The following SOAT1 variants were observed in gnomAD, a reference collection of about 807,000 sequenced individuals.
The protein encoded by SOAT1 is sterol O-acyltransferase 1.
In SOAT1, 55 loss-of-function variants were observed where a neutral mutation model predicts 69.5. The ratio of observed to expected loss-of-function variants is 0.79; its 90% CI spans 0.64 to 0.99. The LOEUF is 0.99. Among genes scored for constraint, SOAT1 ranks in the 50% least tolerant of loss-of-function variants. The probability of loss-of-function intolerance (pLI) is 0.00; values close to 1 mark genes in which losing one functional copy is unlikely to be tolerated. For missense variants in SOAT1, 580 were observed against 669.3 expected (o/e 0.87, Z 1.47); for synonymous variants, 231 against 224.7 (o/e 1.03, Z -0.25).
At chr1:179,343,721 T>A in intron 10 of SOAT1, 86 bp downstream of exon 10, 1 of 960,198 alleles carries the variant, frequency 1.0e-6, no homozygotes, top group Non-Finnish European at 1.6e-6. Flanking sequence ...TTAAATCTAA[T>A]TGGGAGCTAA....
At chr1:179,324,520 G>A (rs916699561) in intron 3 of SOAT1, among the ~76,000 whole-genome samples, 7 of 152,156 alleles carry the variant, frequency 4.6e-5, no homozygotes, top group Middle Eastern at 3.2e-3. Flanking sequence ...TTATAAAGTG[G>A]TACTCAAAAG....
intron 6 of SOAT1, among the ~76,000 whole-genome samples, chr1:179,340,808 AC>A (rs1217516714): frequency 5.1e-5 from 5 of 98,404 alleles, no homozygotes; most frequent in African/African-American, 1.6e-4. Context: ...TTTCTAAAGA[AC>A]ATATATTGTT....
At chr1:179,313,241 A>G (rs1356211617) in intron 2 of SOAT1, among the ~76,000 whole-genome samples, 1 of 152,330 alleles carries the variant, frequency 6.6e-6, no homozygotes, top group Non-Finnish European at 1.5e-5. Context: ...GTTGTTACAT[A>G]GTTGCAGACT....
chr1:179,335,909 A>G (rs1666133968), intron 4 of SOAT1, among the ~76,000 whole-genome samples: 1 of 152,210 alleles, frequency 6.6e-6, no homozygotes, highest in Non-Finnish European at 1.5e-5. Flanking sequence ...CTGTAATCCC[A>G]GCACTTTGGA....
chr1:179,342,085 G>C, intron 7 of SOAT1, 29 bp from the exon 8 acceptor site: 1 of 1,612,736 alleles, frequency 6.2e-7, no homozygotes, highest in South Asian at 1.1e-5. Flanking sequence ...TTTCTTTGAA[G>C]AGACATCTTT....
At chr1:179,317,209 A>G (rs1013636289) in intron 2 of SOAT1, among the ~76,000 whole-genome samples, 1 of 152,176 alleles carries the variant, frequency 6.6e-6, no homozygotes, top group East Asian at 1.9e-4. Context: ...TAGGCAAAAT[A>G]TACAATAGCA....
chr1:179,331,390 C>G (rs1403206554), intron 3 of SOAT1, among the ~76,000 whole-genome samples: 2 of 152,210 alleles, frequency 1.3e-5, no homozygotes, highest in East Asian at 3.9e-4. Flanking sequence ...TAACTGAGAA[C>G]ACTATATGCA....
intron 2 of SOAT1, among the ~76,000 whole-genome samples, chr1:179,310,367 A>T (rs950310564): frequency 6.7e-6 from 1 of 149,126 alleles, no homozygotes; most frequent in Admixed American, 6.8e-5. Context: ...CTAATTTTTT[A>T]GTTTTCCAAA....
At chr1:179,326,019 G>A (rs1665778104) in intron 3 of SOAT1, among the ~76,000 whole-genome samples, 1 of 152,146 alleles carries the variant, frequency 6.6e-6, no homozygotes, top group South Asian at 2.1e-4. Context: ...GGGTTGCAGA[G>A]TTGTGCAAGA....
chr1:179,351,017 C>CTTTTTT (rs1558060562), intron 14 of SOAT1, among the ~76,000 whole-genome samples: 11 of 13,950 alleles, frequency 7.9e-4, no homozygotes, highest in African/African-American at 2.5e-3. Context: ...CTGTATATTT[C>CTTTTTT]TTTCTTTTTT....
chr1:179,303,868 A>G (rs1466203778), intron 2 of SOAT1, among the ~76,000 whole-genome samples: 1 of 152,216 alleles, frequency 6.6e-6, no homozygotes, highest in Non-Finnish European at 1.5e-5. Flanking sequence ...CTCACGCATT[A>G]GAAACTTCAT....
chr1:179,347,625 T>C lies in SOAT1; in HGVS notation c.1143T>C (p.Phe381=). Residue 381 remains phenylalanine, a synonymous_variant, in exon 12 of 16, where the codon TTT becomes TTC. Transcript: ENST00000367619. ...LPGVLILFLT[F]FAFLHCWLNA... Reference sequence around the variant, plus strand: ...GTGTGCTGATTCTCTTCCTTACTTTTTTTGCCTTTTTGCACTGCTGGCTCA... The same window carrying C: ...GTGTGCTGATTCTCTTCCTTACTTTCTTTGCCTTTTTGCACTGCTGGCTCA... 6.2e-7 allele frequency: 1 copy of C among 1,612,656 alleles called. No individual in the cohort carries two copies. The highest frequency in any genetic ancestry group is 8.5e-7 in the Non-Finnish European group (1 of 1,178,936).
At position 179,348,221 on chromosome 1, in the gene SOAT1, C is replaced by T. The variant is rs539363345; in HGVS notation, c.1215+524C>T. On this transcript the variant is annotated intron_variant, in intron 12 of 15. Coordinates refer to ENST00000367619, the MANE Select transcript of SOAT1 (RefSeq NM_003101.6). Reference sequence around the variant, plus strand: ...AGAATGGCTCATAGCATTCTTTAACCCTACCTAAAGCTCTCTTTGAGTTGT... The same window carrying T: ...AGAATGGCTCATAGCATTCTTTAACTCTACCTAAAGCTCTCTTTGAGTTGT... Among the ~76,000 whole-genome samples the T allele has an allele frequency of 7.6e-4, 115 of 152,272 alleles. 1 individual carries two copies. The highest frequency in any genetic ancestry group is 1.4e-3 in the Non-Finnish European group (93 of 68,020).
intron 2 of SOAT1, among the ~76,000 whole-genome samples, chr1:179,308,549 G>A (rs963516429): frequency 1.3e-5 from 2 of 151,650 alleles, no homozygotes; most frequent in East Asian, 1.9e-4. Context: ...GTGGGTGCCT[G>A]TAATCTAAGC....
At chr1:179,340,324 A>T (rs535859536) in intron 6 of SOAT1, among the ~76,000 whole-genome samples, 1 of 152,250 alleles carries the variant, frequency 6.6e-6, no homozygotes, top group Admixed American at 6.5e-5. Context: ...TCTACAAAAA[A>T]TTTAAAAATT....
intron 3 of SOAT1, among the ~76,000 whole-genome samples, chr1:179,330,749 T>C (rs1303725636): frequency 6.6e-6 from 1 of 152,214 alleles, no homozygotes; most frequent in Non-Finnish European, 1.5e-5. Context: ...ATTCATAGGC[T>C]GTGGTCCTCC....
Position 179,314,800 on chromosome 1 carries a change from A to G in SOAT1, c.119-8637A>G, listed in dbSNP as rs150033796. 1.9e-3 allele frequency among the ~76,000 whole-genome samples: 283 copies of G among 152,268 alleles called. 4 individuals carry two copies. Among genetic ancestry groups the G allele is most frequent in the African/African-American group, 6.3e-3 (262 of 41,544 alleles). On this transcript the variant is annotated intron_variant, in intron 2 of 15. Coordinates refer to ENST00000367619, the MANE Select transcript of SOAT1 (RefSeq NM_003101.6). ...AATTTTCATCAAAACTGGTTAAAAT[A>G]AGATTTTTGACATGTCAAGGAATAA...
At chr1:179,327,212 A>G (rs1665824462) in intron 3 of SOAT1, among the ~76,000 whole-genome samples, 1 of 152,244 alleles carries the variant, frequency 6.6e-6, no homozygotes, top group Non-Finnish European at 1.5e-5. Context: ...AACATTGTTC[A>G]GAGCCATGAA....
chr1:179,333,834 A>C (rs1442929362), intron 3 of SOAT1, among the ~76,000 whole-genome samples: 2 of 45,034 alleles, frequency 4.4e-5, no homozygotes, highest in Non-Finnish European at 1.3e-4. Flanking sequence ...ACTCCGTCTC[A>C]AAAAAAAAAA....
Sources: allele counts gnomAD v4.1 joint callset (sites outside exome capture counted in the v4.1 genomes callset), GRCh38; gene constraint gnomAD v4.1.1; transcripts MANE v1.5; gene names NCBI Gene and HGNC (gene_info 2026-07-23, HGNC 2026-07-21).